The following ADAMTS17 variants were observed in gnomAD, a reference collection of about 807,000 sequenced individuals.
ADAMTS17 encodes the protein A disintegrin and metalloproteinase with thrombospondin motifs 17.
ADAMTS17 carries 113 observed loss-of-function variants against 141.5 expected under a neutral mutation model. The observed-to-expected ratio is 0.80, with a 90% confidence interval of 0.69 to 0.93. The LOEUF (loss-of-function observed/expected upper bound fraction) is 0.93. ADAMTS17 is among the 40% of genes least tolerant of loss of function. ADAMTS17 has a pLI of 0.00. For synonymous variants in ADAMTS17, 768 were observed against 630.6 expected (o/e 1.22, Z -3.27); for missense variants, 1,659 against 1,517.9 (o/e 1.09, Z -1.54).
At chr15:100,043,479 AC>A (rs1469367023) in intron 18 of ADAMTS17, among the ~76,000 whole-genome samples, 1 of 152,200 alleles carries the variant, frequency 6.6e-6, no homozygotes, top group Non-Finnish European at 1.5e-5. Context: ...CTGAGCTAAT[AC>A]CTGCAGAGCT....
intron 7 of ADAMTS17, among the ~76,000 whole-genome samples, chr15:100,217,417 G>C (rs1315034729): frequency 6.6e-6 from 1 of 152,114 alleles, no homozygotes; most frequent in Non-Finnish European, 1.5e-5. Flanking sequence ...GGCCAACACG[G>C]GAAAACCCTG....
rs60655404 is a variant in ADAMTS17, at chr15:100,119,043, T to TACACACACACACACACACACAC, written c.1722-2031_1722-2030insGTGTGTGTGTGTGTGTGTGTGT. Reference sequence around the variant, plus strand: ...CTTATGAAAAGGGGACATCTGGAGATACACACACACACACACACAGAGACA... The same window carrying TACACACACACACACACACACAC: ...CTTATGAAAAGGGGACATCTGGAGATACACACACACACACACACACACACACACACACACACACACAGAGACA... On this transcript the variant is annotated intron_variant, in intron 12 of 21. Transcript: ENST00000268070. 2.1e-4 allele frequency among the ~76,000 whole-genome samples: 31 copies of TACACACACACACACACACACAC among 148,702 alleles called. 1 individual carries two copies. Among genetic ancestry groups the TACACACACACACACACACACAC allele is most frequent in the East Asian group, 1.6e-3 (8 of 5,068 alleles).
At chr15:100,167,002 G>A (rs2039975225) in intron 8 of ADAMTS17, among the ~76,000 whole-genome samples, 1 of 152,220 alleles carries the variant, frequency 6.6e-6, no homozygotes, top group Non-Finnish European at 1.5e-5. Context: ...CTGCGATGAC[G>A]GGAAAGTCTC....
intron 10 of ADAMTS17, among the ~76,000 whole-genome samples, chr15:100,147,003 C>T (rs186273267): frequency 6.6e-6 from 1 of 152,270 alleles, no homozygotes; most frequent in Admixed American, 6.5e-5. Flanking sequence ...TCACCCCGGT[C>T]CTGTGGTCCT....
At chr15:99,983,270 G>C (rs918770439) in intron 20 of ADAMTS17, among the ~76,000 whole-genome samples, 4 of 152,184 alleles carry the variant, frequency 2.6e-5, no homozygotes, top group African/African-American at 9.6e-5. Context: ...CCAGAGCTCA[G>C]AACACAGTAG....
chr15:99,988,632 TG>T (rs1199519322), intron 20 of ADAMTS17, among the ~76,000 whole-genome samples: 1 of 152,196 alleles, frequency 6.6e-6, no homozygotes, highest in African/African-American at 2.4e-5. Flanking sequence ...GTGGCAAAAG[TG>T]GGCACAGTGA....
intron 10 of ADAMTS17, among the ~76,000 whole-genome samples, chr15:100,149,774 T>TCA (rs1404045228): frequency 6.6e-6 from 1 of 152,186 alleles, no homozygotes; most frequent in Admixed American, 6.5e-5. Context: ...CATCCATGAG[T>TCA]CACACCTCCT....
intron 2 of ADAMTS17, among the ~76,000 whole-genome samples, chr15:100,331,407 G>A: frequency 6.6e-6 from 1 of 152,094 alleles, no homozygotes; most frequent in Non-Finnish European, 1.5e-5. Context: ...CACCTGGGAG[G>A]CAACACTGAA....
At chr15:100,044,984 T>C (rs1211145261) in intron 18 of ADAMTS17, among the ~76,000 whole-genome samples, 1 of 151,946 alleles carries the variant, frequency 6.6e-6, no homozygotes, top group East Asian at 1.9e-4. Context: ...ATTTTTGTAT[T>C]TTTAGTAGAG....
intron 3 of ADAMTS17, among the ~76,000 whole-genome samples, chr15:100,296,207 AAAC>A (rs1298208377): frequency 2.6e-5 from 4 of 152,200 alleles, no homozygotes; most frequent in African/African-American, 9.6e-5. Flanking sequence ...ACGCACTTGC[AAAC>A]AACATGTTTT....
intron 12 of ADAMTS17, among the ~76,000 whole-genome samples, chr15:100,123,283 G>A (rs549709827): frequency 1.3e-5 from 2 of 152,338 alleles, no homozygotes; most frequent in Admixed American, 6.5e-5. Flanking sequence ...TACGCAGTAA[G>A]GAGAAAAACA....
At chr15:100,236,011 G>C (rs1295266375) in intron 7 of ADAMTS17, among the ~76,000 whole-genome samples, 2 of 152,186 alleles carry the variant, frequency 1.3e-5, no homozygotes, top group East Asian at 3.9e-4. Context: ...CTGAACATTT[G>C]GGGTAAATTC....
intron 3 of ADAMTS17, among the ~76,000 whole-genome samples, chr15:100,322,740 A>G (rs1176250714): frequency 6.6e-6 from 1 of 152,210 alleles, no homozygotes; most frequent in Admixed American, 6.5e-5. Flanking sequence ...AAATACTGAC[A>G]CTACTTAAAA....
rs1489800032 is a variant in ADAMTS17, at chr15:100,331,007, G to A, written c.498C>T (p.Leu166=). 3.7e-6 allele frequency: 6 copies of A among 1,614,182 alleles called. No homozygotes were observed. Among genetic ancestry groups the A allele is most frequent in the Non-Finnish European group, 4.2e-6 (5 of 1,180,034 alleles). The change falls in exon 3 of 22, where the codon CTC becomes CTT. Residue 166 remains leucine, a synonymous_variant. Transcript: ENST00000268070. The part of the protein sequence containing the change: ...LGQEQVLIQP[L]NNSQGPFSGR... ...CACTGAATGGGCCCTGGGAGTTGTT[G>A]AGGGGCTGGATTAGCACCTGCTCCT...
intron 18 of ADAMTS17, among the ~76,000 whole-genome samples, chr15:100,024,332 G>A (rs2061465821): frequency 6.6e-6 from 1 of 152,196 alleles, no homozygotes; most frequent in Admixed American, 6.5e-5. Flanking sequence ...CTGGCTTCAA[G>A]CAGTCCTCCC....
In ADAMTS17 at chr15:100,078,998, A is replaced by G. The variant is rs554675379; in HGVS notation, c.2137+17358T>C. Among the ~76,000 whole-genome samples, 6 of 152,384 alleles carry G rather than the reference A, an allele frequency of 3.9e-5. No individual in the cohort carries two copies. The East Asian group carries it at 1.2e-3, about 29-fold the overall frequency. ...TATATTAGTCATTAGGGAAGTGCAA[A>G]CCAAAACCACAAGGACATACCACAT... is the stretch of plus-strand genomic sequence containing the variant. On this transcript the variant is annotated intron_variant, in intron 15 of 21. Coordinates refer to ENST00000268070, the MANE Select transcript of ADAMTS17 (RefSeq NM_139057.4).
chr15:100,171,634 T>A (rs2040164953), intron 8 of ADAMTS17, among the ~76,000 whole-genome samples: 1 of 152,126 alleles, frequency 6.6e-6, no homozygotes, highest in Non-Finnish European at 1.5e-5. Flanking sequence ...GCAGACAGCA[T>A]CCCTCCAGCT....
chr15:100,128,542 A>G (rs896512597), intron 12 of ADAMTS17: 8 of 152,206 alleles, frequency 5.3e-5, no homozygotes, highest in Non-Finnish European at 8.8e-5. Context: ...CCATTCCTCA[A>G]TGATAAAATA....
intron 3 of ADAMTS17, among the ~76,000 whole-genome samples, chr15:100,292,158 C>A (rs144802416): frequency 1.4e-5 from 2 of 139,286 alleles, no homozygotes; most frequent in African/African-American, 5.3e-5. Context: ...GACACGCTCA[C>A]CCCGTGGGAA....
Sources: allele counts gnomAD v4.1 joint callset (sites outside exome capture counted in the v4.1 genomes callset), GRCh38; gene constraint gnomAD v4.1.1; transcripts MANE v1.5; gene names NCBI Gene and HGNC (gene_info 2026-07-23, HGNC 2026-07-21).